KIF26A: variants seen among roughly 807,000 people sequenced by gnomAD.
KIF26A encodes kinesin-like protein KIF26A.
A neutral mutation model predicts 126.0 loss-of-function variants in KIF26A; 74 were observed. The ratio of observed to expected loss-of-function variants is 0.59; its 90% CI spans 0.49 to 0.71. The LOEUF (loss-of-function observed/expected upper bound fraction) is 0.71, where lower values mean the gene tolerates loss of function less well. Among genes scored for constraint, KIF26A ranks in the 30% least tolerant of loss-of-function variants. The probability of loss-of-function intolerance (pLI) is 0.00; values close to 1 mark genes in which losing one functional copy is unlikely to be tolerated. For missense variants in KIF26A, 2,984 were observed against 2,763.3 expected, an observed-to-expected ratio of 1.08 and a Z score of -1.79; for synonymous variants, 1,445 against 1,232.7, an observed-to-expected ratio of 1.17 and a Z score of -3.61.
In KIF26A at chr14:104,139,181, G is replaced by A. The variant is rs1043136073; in HGVS notation, c.181G>A (p.Gly61Ser). 23 of 1,545,378 alleles carry A rather than the reference G, an allele frequency of 1.5e-5. No homozygotes were observed. Among genetic ancestry groups the A allele is most frequent in the Middle Eastern group, 3.7e-4 (2 of 5,402 alleles). The change falls in exon 2 of 15, where the codon GGC (glycine) becomes AGC (serine). Residue 61 changes from glycine to serine, a missense_variant. Coordinates refer to ENST00000423312, the MANE Select transcript of KIF26A (RefSeq NM_015656.2). ...PEGAGAGPEQ[G>S]HSAGGGGWCR... is the part of the protein sequence containing the mutation. ...AGGCGCCGGGGCCGGCCCAGAGCAG[G>A]GCCACTCGGCCGGCGGAGGCGGCTG...
intron 4 of KIF26A, among the ~76,000 whole-genome samples, chr14:104,164,855 CTGAG>C (rs1433213444): frequency 1.3e-5 from 2 of 151,280 alleles, no homozygotes; most frequent in East Asian, 3.9e-4. Context: ...GTGTGTGTCT[CTGAG>C]TGTCTGTGTG....
rs749186991 is a variant in KIF26A, at chr14:104,175,274, GT to G, written c.2487del (p.Arg831GlufsTer111). ...PALSRHRPSKGPRDADHFRCS... is the reference protein window; with the variant it reads ...PALSRHRPSKXPRDADHFRCS... Reference sequence around the variant, plus strand: ...CTGAGCCGCCACCGGCCCTCCAAGGGTCCCCGAGACGCAGACCACTTCCGCT... The same window carrying G: ...CTGAGCCGCCACCGGCCCTCCAAGGGCCCCGAGACGCAGACCACTTCCGCT... On this transcript the variant is annotated frameshift_variant, in exon 12 of 15. Transcript: ENST00000423312. LOFTEE classifies it high-confidence loss of function. 1.9e-6 allele frequency: 3 copies of G among 1,606,260 alleles called. No homozygotes were observed.
rs1173750920 is a variant in KIF26A at position 104,179,615 on chromosome 14, T to TGGACCC, written c.5478_5483dup (p.Asp1826_Pro1827dup). On this transcript the variant is annotated inframe_insertion, in exon 15 of 15. Transcript: ENST00000423312. ...CCTCTCCTCCCCTCCCCAGTTGAGG[T>TGGACCC]GGACCCGGAGCTGGAGCCCGAGTCG... The TGGACCC allele has an allele frequency of 6.6e-7, 1 of 1,525,858 alleles. No individual in the cohort carries two copies. The highest frequency in any genetic ancestry group is 1.3e-5 in the South Asian group (1 of 79,762). The allele number at this position is 1,525,858 out of a possible 1,614,324, so 94.5% of individuals were successfully genotyped here.
rs762148386 is a variant in KIF26A, at chr14:104,175,196, G to C, written c.2408G>C (p.Arg803Pro). The C allele has an allele frequency of 1.2e-6, 2 of 1,609,094 alleles. No homozygotes were observed. The highest frequency in any genetic ancestry group is 1.3e-5 in the African/African-American group (1 of 74,870). ...CCCGGTGGGGCGGCGCTGTCAGACC[G>C]GGAGCTCACCGACAACGAAGGTCCG... is the stretch of plus-strand genomic sequence containing the variant. ...VGPGGAALSD[R>P]ELTDNEGPPD... Residue 803 changes from arginine (R) to proline (P), a missense_variant, in exon 12 of 15, where the codon CGG becomes CCG. By Grantham distance (103) the Arg-to-Pro change is moderately radical. Transcript: ENST00000423312.
At position 104,179,870 on chromosome 14, in the gene KIF26A, G is replaced by C. The variant is rs2038082955; in HGVS notation, c.*80G>C. 1.5e-6 allele frequency: 2 copies of C among 1,355,444 alleles called. No individual in the cohort carries two copies. The highest frequency in any genetic ancestry group is 1.5e-5 in the African/African-American group (1 of 67,270). 84.0% of individuals were successfully genotyped at this position (1,355,444 alleles called of 1,614,324 possible). A position where few individuals can be genotyped will look rare whatever the true frequency, so the allele number is the denominator to read the frequency against. On this transcript the variant is annotated 3_prime_UTR_variant, in exon 15 of 15. Transcript: ENST00000423312. ...GGGACGGAGCGAGGATGTGGTGGGG[G>C]CTGCGGGGGGAGGATGCGGAGGGGT...
At chr14:104,158,032 G>A (rs1360452376) in intron 4 of KIF26A, 90 bp downstream of exon 4, 1 of 1,246,512 alleles carries the variant, frequency 8.0e-7, no homozygotes, top group Non-Finnish European at 1.1e-6. Flanking sequence ...CGTTCTTGGG[G>A]GACCTCGGGC....
chr14:104,152,552 C>G lies in KIF26A; in HGVS notation c.735+91C>G. On this transcript the variant is annotated intron_variant, in intron 3 of 14. Transcript: ENST00000423312. The surrounding 1 kb of genome is among the most constrained non-coding windows in gnomAD (Gnocchi z 5.9). ...GTCTCTGTCCACGTTGAGTGCCCTG[C>G]AGTAAGGCTTCCCTGAAGGGAGGGG... 1 of 1,265,626 alleles carries G rather than the reference C, an allele frequency of 7.9e-7. No individual in the cohort carries two copies. The highest frequency in any genetic ancestry group is 1.1e-6 in the Non-Finnish European group (1 of 939,166). 78.4% of individuals were successfully genotyped at this position (1,265,626 alleles called of 1,614,324 possible). A position where few individuals can be genotyped will look rare whatever the true frequency, so the allele number is the denominator to read the frequency against.
In KIF26A at chr14:104,152,285, G is replaced by A. The variant is rs764696471; in HGVS notation, c.559G>A (p.Ala187Thr). The change falls in exon 3 of 15, where the codon GCT (alanine) becomes ACT (threonine). Residue 187 changes from alanine (A) to threonine (T), a missense_variant. Transcript: ENST00000423312. This position sits in a 1 kb window ranked among gnomAD's most constrained non-coding sequence, Gnocchi z 5.9. ...AGPAGRQPGR[A>T]GPDRTKGLAW... is the part of the protein sequence containing the mutation. ...TCCTGCAGGGAGGCAGCCAGGACGA[G>A]CTGGGCCAGACAGGACCAAGGGGCT... 6.3e-6 allele frequency: 10 copies of A among 1,588,898 alleles called. No homozygotes were observed. Among genetic ancestry groups the A allele is most frequent in the Admixed American group, 3.5e-5 (2 of 56,500 alleles).
chr14:104,168,354 G>A (rs1253523201), intron 5 of KIF26A, among the ~76,000 whole-genome samples: 2 of 152,204 alleles, frequency 1.3e-5, no homozygotes, highest in South Asian at 2.1e-4. Flanking sequence ...CGCTAATTTC[G>A]TGACTTGAGC....
At chr14:104,146,802 G>T (rs1403635659) in intron 2 of KIF26A, among the ~76,000 whole-genome samples, 1 of 152,142 alleles carries the variant, frequency 6.6e-6, no homozygotes, top group Non-Finnish European at 1.5e-5. Flanking sequence ...CCCCGAGATG[G>T]GCCTGGCTGG....
intron 11 of KIF26A, among the ~76,000 whole-genome samples, chr14:104,174,775 T>G (rs368534856): frequency 1.3e-5 from 2 of 152,316 alleles, no homozygotes; most frequent in East Asian, 3.9e-4. Flanking sequence ...GACACCGTTT[T>G]CCTTGTAAAG....
In KIF26A at chr14:104,176,296, G is replaced by A. The variant is rs768174225; in HGVS notation, c.3508G>A (p.Gly1170Arg). The A allele has an allele frequency of 1.9e-6, 3 of 1,585,022 alleles. No homozygotes were observed. The South Asian group carries it at 3.4e-5, about 18-fold the overall frequency. Reference sequence around the variant, plus strand: ...GGGGCCAGACAGACCTGACAGTCCTGGGCCAACCTGGGGTCCGTGCCCTGG... The same window carrying A: ...GGGGCCAGACAGACCTGACAGTCCTAGGCCAACCTGGGGTCCGTGCCCTGG... ...FLGPDRPDSP[G>R]PTWGPCPGEV... The change falls in exon 12 of 15, where the codon GGG becomes AGG. Residue 1170 changes from glycine (G) to arginine (R), a missense_variant. Coordinates refer to ENST00000423312, the MANE Select transcript of KIF26A (RefSeq NM_015656.2).
rs568861477 is a variant in KIF26A, at chr14:104,179,264, G to T, written c.5345G>T (p.Arg1782Leu). Residue 1782 changes from arginine (R) to leucine (L), a missense_variant, in exon 14 of 15, where the codon CGG becomes CTG. By Grantham distance (102) the Arg-to-Leu change is moderately radical. Coordinates refer to ENST00000423312, the MANE Select transcript of KIF26A (RefSeq NM_015656.2). ...CTGGCGTGCGTCAGTACAAGGCTGC[G>T]GCTGGCGGAGCGCAGGCAGCAGCGG... is the stretch of plus-strand genomic sequence containing the variant. ...QGLACVSTRL[R>L]LAERRQQRLR... is the part of the protein sequence containing the mutation. 5.9e-6 allele frequency: 9 copies of T among 1,524,102 alleles called. No individual in the cohort carries two copies. The highest frequency in any genetic ancestry group is 7.9e-6 in the Non-Finnish European group (9 of 1,140,332). 94.4% of individuals were successfully genotyped at this position (1,524,102 alleles called of 1,614,324 possible).
Position 104,138,628 on chromosome 14 carries a change from A to T in KIF26A, c.-95A>T. 1 of 1,015,566 alleles carries T rather than the reference A, an allele frequency of 9.8e-7. No individual in the cohort carries two copies. The allele number at this position is 1,015,566 out of a possible 1,614,324, so 62.9% of individuals were successfully genotyped here. A position where few individuals can be genotyped will look rare whatever the true frequency, so the allele number is the denominator to read the frequency against. ...AACTTCCGAGCGGCTGGGCCGGGCC[A>T]TGGGGGCGCCTCGGGGCCGGATCAC... On this transcript the variant is annotated 5_prime_UTR_variant, in exon 1 of 15. It removes an upstream start codon present in the reference 5' UTR. Coordinates refer to ENST00000423312, the MANE Select transcript of KIF26A (RefSeq NM_015656.2).
Position 104,173,435 on chromosome 14 carries a change from G to T in KIF26A, c.1789G>T (p.Asp597Tyr). Residue 597 changes from aspartate (D) to tyrosine (Y), a missense_variant, in exon 9 of 15, where the codon GAC (aspartate) becomes TAC (tyrosine). Coordinates refer to ENST00000423312, the MANE Select transcript of KIF26A (RefSeq NM_015656.2). The stretch of plus-strand genomic sequence containing the variant: ...CACCAGCCGAGCGGGCTGTGGCGAG[G>T]ACGCCCGACGCAGCTCCCACATGTT... ...RSTSRAGCGE[D>Y]ARRSSHMLFT... 1 of 1,585,200 alleles carries T rather than the reference G, an allele frequency of 6.3e-7. No homozygotes were observed. Among genetic ancestry groups the T allele is most frequent in the East Asian group, 2.3e-5 (1 of 43,180 alleles).
rs971834512 is a variant in KIF26A, at chr14:104,175,940, C to T, written c.3152C>T (p.Pro1051Leu). Reference protein sequence around the residue: ...SLGALAGAGRPTSLASFDSDC... With the variant: ...SLGALAGAGRLTSLASFDSDC... Reference sequence around the variant, plus strand: ...GGGGCGCTTGCCGGAGCTGGGCGGCCCACCAGCCTGGCTAGCTTCGACAGT... The same window carrying T: ...GGGGCGCTTGCCGGAGCTGGGCGGCTCACCAGCCTGGCTAGCTTCGACAGT... The change falls in exon 12 of 15, where the codon CCC becomes CTC. Residue 1051 changes from proline (P) to leucine (L), a missense_variant. By Grantham distance (98) the Pro-to-Leu change is moderately conservative (BLOSUM62 -3). Transcript: ENST00000423312. 6.4e-7 allele frequency: 1 copy of T among 1,560,714 alleles called. No homozygotes were observed. Among genetic ancestry groups the T allele is most frequent in the East Asian group, 2.4e-5 (1 of 42,506 alleles).
chr14:104,142,549 CAG>C (rs1183163946), intron 2 of KIF26A, among the ~76,000 whole-genome samples: 1 of 152,182 alleles, frequency 6.6e-6, no homozygotes, highest in Non-Finnish European at 1.5e-5. Flanking sequence ...GGAGGCCCCT[CAG>C]TGTCCCTGCT....
Position 104,177,579 on chromosome 14 carries a change from C to G in KIF26A, c.4791C>G (p.Asn1597Lys). ...DSDSGHDSGV[N>K]VGEERPPTGP... Reference sequence around the variant, plus strand: ...ACAGCGGCCATGACAGCGGCGTGAACGTGGGGGAGGAGCGGCCACCCACGG... The same window carrying G: ...ACAGCGGCCATGACAGCGGCGTGAAGGTGGGGGAGGAGCGGCCACCCACGG... Residue 1597 changes from asparagine (N) to lysine (K), a missense_variant, in exon 12 of 15, where the codon AAC (asparagine) becomes AAG (lysine). Transcript: ENST00000423312. 1.3e-6 allele frequency: 2 copies of G among 1,534,890 alleles called. No individual in the cohort carries two copies. Among genetic ancestry groups the G allele is most frequent in the Non-Finnish European group, 1.7e-6 (2 of 1,145,644 alleles).
intron 7 of KIF26A, 123 bp downstream of exon 7, chr14:104,172,791 C>A: frequency 9.4e-7 from 1 of 1,065,874 alleles, no homozygotes; most frequent in Non-Finnish European, 1.3e-6. Context: ...CCGTGGTGGG[C>A]ATATGGGGTG....
Sources: gnomAD v4.1 joint callset for allele counts (sites outside exome capture counted in the v4.1 genomes callset) on GRCh38, gnomAD v4.1.1 for gene constraint, Gnocchi (gnomAD v3.1) non-coding constraint, MANE v1.5 for transcripts, NCBI Gene and HGNC (gene_info 2026-07-23, HGNC 2026-07-21) for gene names.